Variants in WWP1 observed in about 807,000 individuals in gnomAD.
WWP1 encodes the protein NEDD4-like E3 ubiquitin-protein ligase WWP1.
WWP1 carries 49 observed loss-of-function variants against 130.6 expected under a neutral mutation model. The observed-to-expected ratio is 0.38, with a 90% CI of 0.30 to 0.48. WWP1 has a LOEUF of 0.48. Ranked by LOEUF, WWP1 falls within the 20% of genes least tolerant of loss-of-function variation. WWP1 has a pLI of 0.99. For synonymous variants in WWP1, 332 were observed against 367.8 expected (o/e 0.90, Z 1.11); for missense variants, 809 against 1,100.6 (o/e 0.74, Z 3.75).
At chr8:86,353,787 G>T (rs1159436995) in intron 1 of WWP1, among the ~76,000 whole-genome samples, 1 of 152,184 alleles carries the variant, frequency 6.6e-6, no homozygotes, top group East Asian at 1.9e-4. Context: ...CTGGCCATGA[G>T]AAGCCTATTG....
chr8:86,442,774 C>T lies in WWP1; in HGVS notation c.1994C>T (p.Ala665Val). 6.2e-7 allele frequency: 1 copy of T among 1,604,998 alleles called. No homozygotes were observed. The highest frequency in any genetic ancestry group is 8.5e-7 in the Non-Finnish European group (1 of 1,177,228). ...TTCTGTTTCATTGGTCGTTTTATTG[C>T]CATGGTGAGTTCCTGACTTTATTAT... is the stretch of plus-strand genomic sequence containing the variant. ...SYFCFIGRFI[A>V]MALFHGKFID... The change falls in exon 18 of 25, where the codon GCC becomes GTC. Residue 665 changes from alanine to valine, a missense_variant. Ala to Val is a moderately conservative substitution (Grantham distance 64). Coordinates refer to ENST00000517970, the MANE Select transcript of WWP1 (RefSeq NM_007013.4).
chr8:86,458,767 C>T (rs1223520087), intron 22 of WWP1, among the ~76,000 whole-genome samples: 1 of 152,110 alleles, frequency 6.6e-6, no homozygotes, highest in Non-Finnish European at 1.5e-5. Flanking sequence ...TGCATCTTTT[C>T]ATAAGGATGT....
intron 21 of WWP1, among the ~76,000 whole-genome samples, chr8:86,454,542 C>CT (rs1319407445): frequency 1.3e-5 from 2 of 152,008 alleles, no homozygotes; most frequent in Non-Finnish European, 2.9e-5. Context: ...ATTTATTAAT[C>CT]TTTTTAAAAA....
intron 22 of WWP1, among the ~76,000 whole-genome samples, 175 bp downstream of exon 22, chr8:86,458,200 C>T (rs2130065402): frequency 6.6e-6 from 1 of 152,218 alleles, no homozygotes; most frequent in South Asian, 2.1e-4. Context: ...CTTTCTATTG[C>T]TTCTTTGACT....
intron 17 of WWP1, 43 bp downstream of exon 17, chr8:86,438,716 C>G: frequency 6.9e-7 from 1 of 1,444,948 alleles, no homozygotes; most frequent in Non-Finnish European, 9.4e-7. Context: ...AAGTATATCT[C>G]ATTGTATACA....
chr8:86,452,990 G>C (rs538417057), intron 21 of WWP1, among the ~76,000 whole-genome samples: 16 of 152,082 alleles, frequency 1.1e-4, no homozygotes, highest in Non-Finnish European at 2.4e-4. Context: ...TCAAAGATCA[G>C]AATTTTAAGT....
chr8:86,388,170 TTTTA>T (rs1461648463), intron 5 of WWP1, among the ~76,000 whole-genome samples: 1 of 152,138 alleles, frequency 6.6e-6, no homozygotes, highest in Non-Finnish European at 1.5e-5. Context: ...TTTTTTTTTT[TTTTA>T]AACAACTTTC....
rs564556961 is a variant in WWP1, at chr8:86,420,216, C to T, written c.1062-5007C>T. Among the ~76,000 whole-genome samples the T allele has an allele frequency of 2.0e-5, 3 of 152,252 alleles. No homozygotes were observed. The South Asian group carries it at 6.2e-4, about 32-fold the overall frequency. Reference sequence around the variant, plus strand: ...CCAAACTGGCCTCAGACAGCACTCACTCTAGACTAGAAGCTAATCAGAAGG... The same window carrying T: ...CCAAACTGGCCTCAGACAGCACTCATTCTAGACTAGAAGCTAATCAGAAGG... On this transcript the variant is annotated intron_variant, in intron 9 of 24. Coordinates refer to ENST00000517970, the MANE Select transcript of WWP1 (RefSeq NM_007013.4).
intron 1 of WWP1, among the ~76,000 whole-genome samples, chr8:86,363,661 G>GT (rs1268275094): frequency 3.3e-5 from 5 of 151,806 alleles, no homozygotes; most frequent in Admixed American, 2.6e-4. Context: ...AATTAGCCGG[G>GT]TGTGGGCACC....
chr8:86,444,726 T>A (rs566551253), intron 18 of WWP1, among the ~76,000 whole-genome samples: 1 of 152,098 alleles, frequency 6.6e-6, no homozygotes, highest in Non-Finnish European at 1.5e-5. Context: ...GTGGAAAGAC[T>A]GATGGGAGTA....
chr8:86,448,143 T>C lies in WWP1; in HGVS notation c.1999-5T>C. ...TTAAATAAAATTTTTCATTTTTCTT[T>C]GCAGGCACTATTTCATGGAAAGTTT... On this transcript the variant is annotated splice_region_variant and splice_polypyrimidine_tract_variant and intron_variant, in intron 18 of 24. Transcript: ENST00000517970. 1 of 1,549,524 alleles carries C rather than the reference T, an allele frequency of 6.5e-7. No individual in the cohort carries two copies. The highest frequency in any genetic ancestry group is 1.3e-5 in the South Asian group (1 of 77,788).
intron 5 of WWP1, among the ~76,000 whole-genome samples, chr8:86,395,987 A>C (rs1329353753): frequency 6.6e-6 from 1 of 152,226 alleles, no homozygotes; most frequent in Non-Finnish European, 1.5e-5. Flanking sequence ...CAAATCACCA[A>C]ATTCCAGACA....
At chr8:86,417,262 T>G (rs7007855) in intron 9 of WWP1, 110,977 of 151,952 alleles carry the variant, frequency 0.73, 41,386 homozygotes, top group African/African-American at 0.82. Flanking sequence ...GTGGAGCAGG[T>G]CAGGAGTCTC....
intron 9 of WWP1, among the ~76,000 whole-genome samples, chr8:86,412,466 TATTA>T (rs1161587218): frequency 1.3e-5 from 2 of 152,242 alleles, no homozygotes; most frequent in Non-Finnish European, 2.9e-5. Flanking sequence ...ATAATACTAA[TATTA>T]ATTAATGATT....
intron 1 of WWP1, among the ~76,000 whole-genome samples, chr8:86,360,349 C>T (rs2130189624): frequency 6.6e-6 from 1 of 152,248 alleles, no homozygotes; most frequent in East Asian, 1.9e-4. Context: ...ACAATTTGCT[C>T]TTTTTACTGA....
intron 5 of WWP1, among the ~76,000 whole-genome samples, chr8:86,387,727 T>A (rs974760061): frequency 1.1e-4 from 17 of 152,266 alleles, no homozygotes; most frequent in Middle Eastern, 6.8e-3. Flanking sequence ...TTTCACCATG[T>A]TAGCCAGACT....
Position 86,431,623 on chromosome 8 carries a change from A to G in WWP1, c.1481A>G (p.Asn494Ser). Residue 494 changes from asparagine to serine, a missense_variant, in exon 14 of 25, where the codon AAT (asparagine) becomes AGT (serine). By Grantham distance (46) the Asn-to-Ser change is conservative. Transcript: ENST00000517970. ...WEDPRTQGLQNEEPLPEGWEI... is the reference protein window; with the variant it reads ...WEDPRTQGLQSEEPLPEGWEI... Reference sequence around the variant, plus strand: ...TTAACTTTATCTTTTAGCTTACAGAATGAAGAACCCCTGCCAGAAGGCTGG... The same window carrying G: ...TTAACTTTATCTTTTAGCTTACAGAGTGAAGAACCCCTGCCAGAAGGCTGG... The G allele has an allele frequency of 6.2e-7, 1 of 1,613,712 alleles. No individual in the cohort carries two copies. The highest frequency in any genetic ancestry group is 8.5e-7 in the Non-Finnish European group (1 of 1,179,880).
At chr8:86,365,090 A>G (rs938618653) in intron 1 of WWP1, among the ~76,000 whole-genome samples, 4 of 152,084 alleles carry the variant, frequency 2.6e-5, no homozygotes, top group Non-Finnish European at 2.9e-5. Context: ...AGTAAGAGAA[A>G]ACAGAACCAA....
At position 86,354,671 on chromosome 8, in the gene WWP1, G is replaced by A. The variant is rs554415298; in HGVS notation, c.-115+11741G>A. ...AATTTTGTATTTATAACAAAATGTGGCAGTACTGTATTCCTTTCAAGTTCT... is the reference window on the plus strand; with the variant it reads ...AATTTTGTATTTATAACAAAATGTGACAGTACTGTATTCCTTTCAAGTTCT... On this transcript the variant is annotated intron_variant, in intron 1 of 24. Transcript: ENST00000517970. 2.0e-5 allele frequency among the ~76,000 whole-genome samples: 3 copies of A among 152,226 alleles called. No individual in the cohort carries two copies. In the South Asian group the frequency reaches 6.2e-4, roughly 32 times the overall value.
Sources: gnomAD v4.1 joint callset for allele counts (sites outside exome capture counted in the v4.1 genomes callset) on GRCh38, gnomAD v4.1.1 for gene constraint, MANE v1.5 for transcripts, NCBI Gene and HGNC (gene_info 2026-07-23, HGNC 2026-07-21) for gene names.